The following WDR64 variants were observed in gnomAD, a reference collection of about 807,000 sequenced individuals.
The protein encoded by WDR64 is WD repeat-containing protein 64.
Under a neutral mutation model 139.3 loss-of-function variants are expected in WDR64, and 112 were observed. That is an observed-to-expected ratio of 0.80 (90% CI 0.69 to 0.94). The LOEUF (loss-of-function observed/expected upper bound fraction) is 0.94, where lower values mean the gene tolerates loss of function less well. Ranked by LOEUF, WDR64 falls within the 40% of genes least tolerant of loss-of-function variation. The pLI is 0.00. For missense variants in WDR64, 1,206 were observed against 1,293.1 expected (o/e 0.93, Z 1.03); for synonymous variants, 444 against 437.7 (o/e 1.01, Z -0.18).
rs537945961 is a variant in WDR64, at chr1:241,794,941, A to G, written c.2998-266A>G. 2.0e-5 allele frequency among the ~76,000 whole-genome samples: 3 copies of G among 152,264 alleles called. No homozygotes were observed. The South Asian group carries it at 6.2e-4, about 31-fold the overall frequency. ...TTTTGTCCATTCCTTTTCATTTTCA[A>G]TTATGTAATATTTATCTATTCACCT... On this transcript the variant is annotated intron_variant, in intron 25 of 27. Transcript: ENST00000437684.
rs560199016 is a variant in WDR64, at chr1:241,680,144, G to A, written c.624+549G>A. Among the ~76,000 whole-genome samples the A allele has an allele frequency of 3.3e-5, 5 of 152,256 alleles. No homozygotes were observed. The East Asian group carries it at 9.7e-4, about 29-fold the overall frequency. On this transcript the variant is annotated intron_variant, in intron 6 of 27. Transcript: ENST00000437684. ...CATGAATAAACATAATATATAATAT[G>A]ATGATACAGCAAATTATATGGTGCA...
At chr1:241,706,401 C>G (rs1287549862) in intron 8 of WDR64, among the ~76,000 whole-genome samples, 1 of 152,224 alleles carries the variant, frequency 6.6e-6, no homozygotes, top group African/African-American at 2.4e-5. Context: ...AAATAATGCC[C>G]TTCCTGGTTT....
chr1:241,700,741 A>T (rs9428888), intron 8 of WDR64, among the ~76,000 whole-genome samples: 22,409 of 152,142 alleles, frequency 0.15, 2,063 homozygotes, highest in African/African-American at 0.25. Flanking sequence ...AATAGCACTA[A>T]CTTTCTTATC....
At chr1:241,764,016 A>T (rs543066858) in intron 15 of WDR64, among the ~76,000 whole-genome samples, 17 of 152,164 alleles carry the variant, frequency 1.1e-4, no homozygotes, top group Non-Finnish European at 2.2e-4. Context: ...AAAGACAGTG[A>T]ATCTCAAGTG....
intron 13 of WDR64, among the ~76,000 whole-genome samples, chr1:241,744,787 A>T (rs1238884484): frequency 6.6e-6 from 1 of 152,192 alleles, no homozygotes; most frequent in Non-Finnish European, 1.5e-5. Flanking sequence ...ATGACATCTC[A>T]TCTAATCTGT....
intron 2 of WDR64, among the ~76,000 whole-genome samples, chr1:241,662,003 A>C (rs1183736957): frequency 8.5e-5 from 13 of 152,224 alleles, no homozygotes; most frequent in Admixed American, 8.5e-4. Context: ...TTTTCGAAAA[A>C]TGTTTGCAGA....
intron 4 of WDR64, chr1:241,675,963 G>A (rs1423032159): frequency 6.6e-6 from 1 of 152,146 alleles, no homozygotes; most frequent in African/African-American, 2.4e-5. Context: ...TGAATCTTTG[G>A]TGTTAATTAT....
intron 13 of WDR64, among the ~76,000 whole-genome samples, chr1:241,748,875 G>GTT (rs1491300661): frequency 6.6e-6 from 1 of 150,592 alleles, no homozygotes; most frequent in Non-Finnish European, 1.5e-5. Flanking sequence ...AGGAGGCGGA[G>GTT]CTTGCAGTGA....
intron 7 of WDR64, among the ~76,000 whole-genome samples, chr1:241,684,731 G>A (rs1010712540): frequency 2.6e-5 from 4 of 152,130 alleles, no homozygotes; most frequent in Non-Finnish European, 5.9e-5. Flanking sequence ...AAAAATATCA[G>A]TATGGTTATC....
intron 11 of WDR64, among the ~76,000 whole-genome samples, chr1:241,740,824 C>T (rs974198894): frequency 6.6e-6 from 1 of 152,032 alleles, no homozygotes; most frequent in Non-Finnish European, 1.5e-5. Flanking sequence ...CACCACCATG[C>T]CCGGCTAATT....
chr1:241,735,669 G>A (rs777372614), intron 10 of WDR64, among the ~76,000 whole-genome samples: 165 of 151,506 alleles, frequency 1.1e-3, no homozygotes, highest in Non-Finnish European at 2.0e-3. Flanking sequence ...TGAGTAGCTG[G>A]GATTACAGGC....
intron 2 of WDR64, among the ~76,000 whole-genome samples, chr1:241,663,488 C>T (rs955026032): frequency 6.6e-6 from 1 of 152,220 alleles, no homozygotes; most frequent in Non-Finnish European, 1.5e-5. Flanking sequence ...AACCCACCCT[C>T]ATATGGTGGA....
chr1:241,701,349 G>GT (rs1385072235), intron 8 of WDR64, among the ~76,000 whole-genome samples: 2 of 151,842 alleles, frequency 1.3e-5, no homozygotes, highest in African/African-American at 2.4e-5. Flanking sequence ...TTGTTTATAT[G>GT]TTTTTTTCAA....
chr1:241,799,719 C>T (rs1040053341), intron 27 of WDR64, among the ~76,000 whole-genome samples: 3 of 152,060 alleles, frequency 2.0e-5, no homozygotes, highest in Admixed American at 6.6e-5. Context: ...AAATGCAATG[C>T]GGTATAATTC....
chr1:241,725,747 C>T (rs1459085461), intron 10 of WDR64, among the ~76,000 whole-genome samples: 1 of 152,146 alleles, frequency 6.6e-6, no homozygotes, highest in Non-Finnish European at 1.5e-5. Flanking sequence ...ATTTTTAAAA[C>T]ATGGCTAGTC....
intron 27 of WDR64, among the ~76,000 whole-genome samples, chr1:241,799,654 G>A (rs913209496): frequency 1.3e-5 from 2 of 152,134 alleles, no homozygotes; most frequent in Non-Finnish European, 2.9e-5. Context: ...TTCCAAAAAA[G>A]CAAGTCATAG....
rs1243189240 is a variant in WDR64 at position 241,708,701 on chromosome 1, TTTGTTTTTTTG to T, written c.975-3098_975-3088del. Among the ~76,000 whole-genome samples, 53 of 41,398 alleles carry T rather than the reference TTTGTTTTTTTG, an allele frequency of 1.3e-3. 9 individuals carry two copies. The highest frequency in any genetic ancestry group is 1.6e-3 in the Non-Finnish European group (26 of 16,548). 27.2% of individuals were successfully genotyped at this position (41,398 alleles called of 152,430 possible). A position where few individuals can be genotyped will look rare whatever the true frequency, so the allele number is the denominator to read the frequency against. The stretch of plus-strand genomic sequence containing the variant: ...AGGGCTGAGGTCCATGGTTTTTTTT[TTTGTTTTTTTG>T]TTTTTTTTTTTAAGGATTGGGTTTC... On this transcript the variant is annotated intron_variant, in intron 8 of 27. Coordinates refer to ENST00000437684, the MANE Select transcript of WDR64 (RefSeq NM_001367482.1).
intron 21 of WDR64, among the ~76,000 whole-genome samples, chr1:241,779,413 T>C (rs1255853211): frequency 1.3e-5 from 2 of 152,356 alleles, no homozygotes; most frequent in African/African-American, 4.8e-5. Context: ...CTGTAAGAGT[T>C]TGGACTCTGT....
chr1:241,708,537 C>A (rs1024429612), intron 8 of WDR64, among the ~76,000 whole-genome samples: 3 of 152,156 alleles, frequency 2.0e-5, no homozygotes, highest in South Asian at 2.1e-4. Flanking sequence ...TGGTCTCGAC[C>A]TCCTGACCTC....
Sources: gnomAD v4.1 joint callset for allele counts (sites outside exome capture counted in the v4.1 genomes callset) on GRCh38, gnomAD v4.1.1 for gene constraint, MANE v1.5 for transcripts, NCBI Gene and HGNC (gene_info 2026-07-23, HGNC 2026-07-21) for gene names.